FAM149B1: variants seen among roughly 807,000 people sequenced by gnomAD.
FAM149B1 encodes the protein primary cilium assembly protein FAM149B1.
Under a neutral mutation model 75.3 loss-of-function variants are expected in FAM149B1, and 56 were observed. The ratio of observed to expected loss-of-function variants is 0.74; its 90% CI spans 0.60 to 0.93. The LOEUF (loss-of-function observed/expected upper bound fraction) is 0.93, where lower values mean the gene tolerates loss of function less well. Among genes scored for constraint, FAM149B1 ranks in the 40% least tolerant of loss-of-function variants. The probability of loss-of-function intolerance (pLI) is 0.00; values close to 1 mark genes in which losing one functional copy is unlikely to be tolerated. For synonymous variants in FAM149B1, 259 were observed against 256.1 expected, an observed-to-expected ratio of 1.01 and a Z score of -0.11; for missense variants, 639 against 708.4, an observed-to-expected ratio of 0.90 and a Z score of 1.11.
chr10:73,199,231 TTGTTGA>T lies in FAM149B1; in HGVS notation c.542+5639_542+5644del, dbSNP rs1180096476. On this transcript the variant is annotated intron_variant, in intron 5 of 13. Coordinates refer to ENST00000242505, the MANE Select transcript of FAM149B1 (RefSeq NM_173348.2). ...GTTGTTGTTGTTGTTGTTGTTGTTGTTGTTGAGATGGAGTCTCGCTCTGTCGCCCAG... is the reference window on the plus strand; with the variant it reads ...GTTGTTGTTGTTGTTGTTGTTGTTGTGATGGAGTCTCGCTCTGTCGCCCAG... Among the ~76,000 whole-genome samples, 23 of 151,980 alleles carry T rather than the reference TTGTTGA, an allele frequency of 1.5e-4. No individual in the cohort carries two copies. The South Asian group carries it at 4.8e-3, about 32-fold the overall frequency.
chr10:73,235,552 TAA>T, intron 12 of FAM149B1: 1 of 893,630 alleles, frequency 1.1e-6, no homozygotes, highest in Non-Finnish European at 1.6e-6. Flanking sequence ...ATTTAACACT[TAA>T]GATATGTCTG....
intron 9 of FAM149B1, chr10:73,230,779 C>T: frequency 2.8e-6 from 1 of 359,676 alleles, no homozygotes. Context: ...TGCGTGCTGT[C>T]CAGAATGAGT....
rs966923183 is a variant in FAM149B1 at position 73,244,047 on chromosome 10, A to G, written c.*3028A>G. The G allele has an allele frequency of 7.9e-6, 6 of 759,052 alleles. No homozygotes were observed. The Admixed American group carries it at 8.7e-5, about 11-fold the overall frequency. The allele number at this position is 759,052 out of a possible 1,614,324, so 47.0% of individuals were successfully genotyped here. Reference sequence around the variant, plus strand: ...TTTTATGAATATATGAATAGACAAAATGAATCGAATTACATAACTATGTCA... The same window carrying G: ...TTTTATGAATATATGAATAGACAAAGTGAATCGAATTACATAACTATGTCA... On this transcript the variant is annotated 3_prime_UTR_variant, in exon 14 of 14. Coordinates refer to ENST00000242505, the MANE Select transcript of FAM149B1 (RefSeq NM_173348.2).
intron 3 of FAM149B1, among the ~76,000 whole-genome samples, chr10:73,186,410 T>G (rs1238093991): frequency 6.6e-6 from 1 of 152,198 alleles, no homozygotes; most frequent in Non-Finnish European, 1.5e-5. Flanking sequence ...ACTGGATACC[T>G]TCCCCTTAAG....
At chr10:73,189,716 A>G (rs1415379611) in intron 3 of FAM149B1, among the ~76,000 whole-genome samples, 2 of 152,258 alleles carry the variant, frequency 1.3e-5, no homozygotes, top group African/African-American at 4.8e-5. Flanking sequence ...AGTGATAAAA[A>G]TAAGTCAACA....
chr10:73,182,557 G>A (rs1391772696), intron 3 of FAM149B1, among the ~76,000 whole-genome samples: 1 of 152,144 alleles, frequency 6.6e-6, no homozygotes, highest in Non-Finnish European at 1.5e-5. Context: ...GCTTCTGGCT[G>A]GCTCTTTCCA....
In FAM149B1 at chr10:73,228,152, C is replaced by T; in HGVS notation, c.991C>T (p.Gln331Ter). Residue 331 changes from glutamine to a stop codon, truncating the protein, a stop_gained, in exon 8 of 14, where the codon CAG becomes TAG. Coordinates refer to ENST00000242505, the MANE Select transcript of FAM149B1 (RefSeq NM_173348.2). LOFTEE classifies it high-confidence loss of function. ...LHPLVLPRVP[Q>*]SKVLYITSNP... ...TCCTTTGGTGTTACCGCGAGTGCCA[C>T]AGTCTAAGGTGCTGTACATTACCTC... The T allele has an allele frequency of 6.4e-7, 1 of 1,551,592 alleles. No individual in the cohort carries two copies.
rs1234545708 is a variant in FAM149B1 at position 73,197,247 on chromosome 10, C to T, written c.542+3654C>T. The stretch of plus-strand genomic sequence containing the variant: ...TGAACTCCTGGGCTCAAGTGATTTG[C>T]CCACCTTGGCTTCCCAAAGTGCTGG... On this transcript the variant is annotated intron_variant, in intron 5 of 13. Coordinates refer to ENST00000242505, the MANE Select transcript of FAM149B1 (RefSeq NM_173348.2). Among the ~76,000 whole-genome samples the T allele has an allele frequency of 2.0e-5, 3 of 152,142 alleles. No individual in the cohort carries two copies. In the South Asian group the frequency reaches 6.2e-4, roughly 31 times the overall value.
intron 5 of FAM149B1, among the ~76,000 whole-genome samples, chr10:73,202,866 T>G (rs1236233682): frequency 6.6e-6 from 1 of 152,030 alleles, no homozygotes; most frequent in Non-Finnish European, 1.5e-5. Context: ...AATTTTGTAT[T>G]TTTTGTAGAG....
intron 1 of FAM149B1, 81 bp from the exon 2 acceptor site, chr10:73,174,606 G>A: frequency 2.0e-6 from 2 of 1,000,150 alleles, no homozygotes; most frequent in Non-Finnish European, 3.0e-6. Flanking sequence ...AGAGGAAGTA[G>A]GTGACTAACT....
chr10:73,215,268 A>G (rs2133375809), intron 7 of FAM149B1, among the ~76,000 whole-genome samples: 1 of 152,140 alleles, frequency 6.6e-6, no homozygotes, highest in Non-Finnish European at 1.5e-5. Context: ...TGATCTGCCC[A>G]CCTTGGCCTC....
rs1193905747 is a variant in FAM149B1, at chr10:73,182,211, CTTTTTT to C, written c.282+4252_282+4257del. On this transcript the variant is annotated intron_variant, in intron 3 of 13. Transcript: ENST00000242505. The stretch of plus-strand genomic sequence containing the variant: ...TTTCATCCATTCACCCAGTCTGTGT[CTTTTTT>C]TTTTTTTTTTTTTTTAAATGGAGTT... Among the ~76,000 whole-genome samples the C allele has an allele frequency of 3.2e-3, 349 of 109,394 alleles. 1 individual carries two copies. The highest frequency in any genetic ancestry group is 0.011 in the African/African-American group (332 of 30,136). 71.8% of individuals were successfully genotyped at this position (109,394 alleles called of 152,430 possible). A position where few individuals can be genotyped will look rare whatever the true frequency, so the allele number is the denominator to read the frequency against.
intron 5 of FAM149B1, among the ~76,000 whole-genome samples, chr10:73,204,764 G>A (rs2043013187): frequency 6.9e-6 from 1 of 145,548 alleles, no homozygotes; most frequent in Non-Finnish European, 1.5e-5. Context: ...TTATAAATGT[G>A]ATTATTCTTT....
intron 1 of FAM149B1, among the ~76,000 whole-genome samples, chr10:73,171,466 G>T (rs7916354): frequency 0.051 from 7,759 of 152,116 alleles, 621 homozygotes; most frequent in African/African-American, 0.17. Flanking sequence ...GTTGAAAAGA[G>T]TATGGGAAAG....
chr10:73,214,596 A>G (rs187042477), intron 7 of FAM149B1, among the ~76,000 whole-genome samples: 1 of 152,314 alleles, frequency 6.6e-6, no homozygotes, highest in Admixed American at 6.5e-5. Context: ...TATATGATGT[A>G]TCACATTTAT....
chr10:73,233,308 C>T, intron 10 of FAM149B1, 145 bp downstream of exon 10: 1 of 635,558 alleles, frequency 1.6e-6, no homozygotes, highest in Non-Finnish European at 2.7e-6. Flanking sequence ...GGGTTTAGAT[C>T]CAACACAAAA....
intron 10 of FAM149B1, chr10:73,233,999 T>C (rs1435774849): frequency 6.6e-6 from 1 of 152,196 alleles, no homozygotes; most frequent in East Asian, 1.9e-4. Flanking sequence ...CCACCCTTCA[T>C]TCACTACACA....
intron 3 of FAM149B1, among the ~76,000 whole-genome samples, chr10:73,187,687 C>T (rs953493379): frequency 4.0e-5 from 6 of 151,816 alleles, no homozygotes; most frequent in Non-Finnish European, 7.4e-5. Flanking sequence ...CGAGATCGCA[C>T]CATTGCACTC....
At chr10:73,185,797 CTGATATA>C (rs2042508128) in intron 3 of FAM149B1, among the ~76,000 whole-genome samples, 1 of 152,066 alleles carries the variant, frequency 6.6e-6, no homozygotes, top group South Asian at 2.1e-4. Context: ...AAAATTAGAA[CTGATATA>C]TGAATTTAAC....
Sources: allele counts gnomAD v4.1 joint callset (sites outside exome capture counted in the v4.1 genomes callset), GRCh38; gene constraint gnomAD v4.1.1; transcripts MANE v1.5; gene names NCBI Gene and HGNC (gene_info 2026-07-23, HGNC 2026-07-21).